The following RUNDC3B variants were observed in gnomAD, a reference collection of about 807,000 sequenced individuals.
The protein encoded by RUNDC3B is RUN domain-containing protein 3B.
In RUNDC3B, 33 loss-of-function variants were observed where a neutral mutation model predicts 58.4. The observed-to-expected ratio is 0.56, with a 90% confidence interval of 0.43 to 0.75. The LOEUF is 0.75. Ranked by LOEUF, RUNDC3B falls within the 30% of genes least tolerant of loss-of-function variation. The probability of loss-of-function intolerance (pLI) is 0.00; values close to 1 mark genes in which losing one functional copy is unlikely to be tolerated. For missense variants in RUNDC3B, 501 were observed against 535.7 expected, an observed-to-expected ratio of 0.94 and a Z score of 0.64; for synonymous variants, 193 against 195.2, an observed-to-expected ratio of 0.99 and a Z score of 0.10.
At chr7:87,783,240 T>C (rs1233738517) in intron 8 of RUNDC3B, among the ~76,000 whole-genome samples, 3 of 152,052 alleles carry the variant, frequency 2.0e-5, no homozygotes, top group Non-Finnish European at 2.9e-5. Context: ...TCTTTATCAT[T>C]ATGTAATGAC....
At chr7:87,762,937 G>T (rs796883787) in intron 6 of RUNDC3B, among the ~76,000 whole-genome samples, 11 of 151,114 alleles carry the variant, frequency 7.3e-5, no homozygotes, top group African/African-American at 2.7e-4. Flanking sequence ...GATATTTACT[G>T]ATATATTTGG....
At chr7:87,695,975 G>A (rs1485865883) in intron 2 of RUNDC3B, among the ~76,000 whole-genome samples, 1 of 152,052 alleles carries the variant, frequency 6.6e-6, no homozygotes, top group East Asian at 1.9e-4. Flanking sequence ...TAATCACATA[G>A]CTGGTCAGTA....
chr7:87,775,529 C>T (rs140000791), intron 7 of RUNDC3B, among the ~76,000 whole-genome samples: 8 of 152,098 alleles, frequency 5.3e-5, no homozygotes, highest in East Asian at 1.9e-4. Context: ...ATAGCCTAGG[C>T]GTACAGTGTT....
chr7:87,822,934 T>G (rs926066435), intron 10 of RUNDC3B, among the ~76,000 whole-genome samples: 1 of 152,082 alleles, frequency 6.6e-6, no homozygotes, highest in Non-Finnish European at 1.5e-5. Context: ...ATATACCTAA[T>G]GCTAAATGAC....
intron 10 of RUNDC3B, among the ~76,000 whole-genome samples, chr7:87,818,541 A>C (rs1400369667): frequency 6.6e-6 from 1 of 152,216 alleles, no homozygotes; most frequent in Admixed American, 6.5e-5. Flanking sequence ...GCAGGTTTGA[A>C]TCAGCATATC....
intron 4 of RUNDC3B, among the ~76,000 whole-genome samples, chr7:87,736,392 C>A (rs572890635): frequency 1.0e-3 from 152 of 152,128 alleles, no homozygotes; most frequent in African/African-American, 3.6e-3. Flanking sequence ...TTAAAATATT[C>A]TTACAGAATG....
Position 87,830,389 on chromosome 7 carries a change from C to A in RUNDC3B, c.*359C>A, listed in dbSNP as rs779482223. On this transcript the variant is annotated 3_prime_UTR_variant, in exon 11 of 11. Transcript: ENST00000394654. ...CAGAGACTGACTTCAAGGTTTTATTCCAGAGACTCCAGAGACTTAAGCTAA... is the reference window on the plus strand; with the variant it reads ...CAGAGACTGACTTCAAGGTTTTATTACAGAGACTCCAGAGACTTAAGCTAA... The A allele has an allele frequency of 2.9e-4, 45 of 153,162 alleles. No individual in the cohort carries two copies. Among genetic ancestry groups the A allele is most frequent in the Non-Finnish European group, 4.7e-4 (33 of 70,146 alleles). 9.5% of individuals were successfully genotyped at this position (153,162 alleles called of 1,614,324 possible).
chr7:87,639,105 C>T (rs528345293), intron 1 of RUNDC3B, among the ~76,000 whole-genome samples: 15 of 132,630 alleles, frequency 1.1e-4, no homozygotes, highest in African/African-American at 2.9e-4. Flanking sequence ...TGAGAAGAGA[C>T]GGCACACCAC....
Position 87,830,010 on chromosome 7 carries a change from C to A in RUNDC3B, c.1351C>A (p.Pro451Thr). The change falls in exon 11 of 11, where the codon CCA (proline) becomes ACA (threonine). Residue 451 changes from proline (P) to threonine (T), a missense_variant. Pro to Thr is a conservative substitution (Grantham distance 38). Transcript: ENST00000394654. ...LASPTTEMTS[P>T]GLTPS is the part of the protein sequence containing the mutation. ...AAGTCCTACAACAGAGATGACAAGTCCAGGCCTAACTCCATCCTGAAAATT... is the reference window on the plus strand; with the variant it reads ...AAGTCCTACAACAGAGATGACAAGTACAGGCCTAACTCCATCCTGAAAATT... The A allele has an allele frequency of 6.3e-7, 1 of 1,597,100 alleles. No homozygotes were observed. The highest frequency in any genetic ancestry group is 8.5e-7 in the Non-Finnish European group (1 of 1,173,210).
chr7:87,709,390 A>G (rs1034788144), intron 3 of RUNDC3B: 3 of 985,324 alleles, frequency 3.0e-6, no homozygotes, highest in Non-Finnish European at 2.4e-6. Context: ...GCCAGCCAGT[A>G]GCTTGCCTCT....
At chr7:87,783,161 G>A (rs1835026341) in intron 8 of RUNDC3B, among the ~76,000 whole-genome samples, 1 of 151,764 alleles carries the variant, frequency 6.6e-6, no homozygotes, top group Admixed American at 6.6e-5. Context: ...GTGTATGTGT[G>A]TGTGCATGTG....
chr7:87,680,387 A>G (rs1826807733), intron 2 of RUNDC3B, among the ~76,000 whole-genome samples: 2 of 150,920 alleles, frequency 1.3e-5, no homozygotes. Flanking sequence ...AACGCGTTGT[A>G]TCAAAATGTG....
At chr7:87,698,259 C>A (rs1442000966) in intron 2 of RUNDC3B, among the ~76,000 whole-genome samples, 1 of 151,990 alleles carries the variant, frequency 6.6e-6, no homozygotes, top group African/African-American at 2.4e-5. Flanking sequence ...GCCACCATGC[C>A]CGGCTAATTT....
chr7:87,710,445 T>C, intron 3 of RUNDC3B, 125 bp from the exon 4 acceptor site: 1 of 615,024 alleles, frequency 1.6e-6, no homozygotes, highest in Non-Finnish European at 2.8e-6. Flanking sequence ...TAAACATTTT[T>C]CTTAGTCGTT....
rs376312888 is a variant in RUNDC3B, at chr7:87,807,475, C to T, written c.1059C>T (p.Ala353=). 37 of 1,613,598 alleles carry T rather than the reference C, an allele frequency of 2.3e-5. No individual in the cohort carries two copies. In the African/African-American group the frequency reaches 4.3e-4, roughly 19 times the overall value. ...GAGCTCTGGATGTCAATGCTGTTGCCTTGGATACGTTGCTTTACCGAAAAC... is the reference window on the plus strand; with the variant it reads ...GAGCTCTGGATGTCAATGCTGTTGCTTTGGATACGTTGCTTTACCGAAAAC... The part of the protein sequence containing the change: ...SPGALDVNAV[A]LDTLLYRKHN... Residue 353 remains alanine, a synonymous_variant, in exon 9 of 11, where the codon GCC becomes GCT. Transcript: ENST00000394654.
intron 2 of RUNDC3B, among the ~76,000 whole-genome samples, chr7:87,653,382 G>A (rs1180437870): frequency 6.6e-6 from 1 of 152,084 alleles, no homozygotes; most frequent in Non-Finnish European, 1.5e-5. Flanking sequence ...AGCAACAATT[G>A]CAACCTATTC....
intron 8 of RUNDC3B, among the ~76,000 whole-genome samples, chr7:87,794,303 C>A (rs1835690304): frequency 6.6e-6 from 1 of 152,100 alleles, no homozygotes; most frequent in South Asian, 2.1e-4. Context: ...GGTGTGGTGG[C>A]ACATGCCTGT....
intron 2 of RUNDC3B, among the ~76,000 whole-genome samples, chr7:87,652,727 TC>T (rs1310445629): frequency 1.3e-5 from 2 of 151,046 alleles, no homozygotes; most frequent in African/African-American, 4.9e-5. Context: ...ATATATTATT[TC>T]CTATTTTTTG....
intron 2 of RUNDC3B, among the ~76,000 whole-genome samples, chr7:87,683,861 A>G (rs1390322582): frequency 6.6e-6 from 1 of 152,224 alleles, no homozygotes; most frequent in Non-Finnish European, 1.5e-5. Flanking sequence ...CAATATCTGC[A>G]AAGCACAATA....
Sources: allele counts gnomAD v4.1 joint callset (sites outside exome capture counted in the v4.1 genomes callset), GRCh38; gene constraint gnomAD v4.1.1; transcripts MANE v1.5; gene names NCBI Gene and HGNC (gene_info 2026-07-23, HGNC 2026-07-21).